Variants in ANKRD55 observed in about 807,000 individuals in gnomAD.
ANKRD55 encodes ankyrin repeat domain 55.
Under a neutral mutation model 60.6 loss-of-function variants are expected in ANKRD55, and 41 were observed. That is an observed-to-expected ratio of 0.68 (90% CI 0.53 to 0.88). The LOEUF is 0.88. Ranked by LOEUF, ANKRD55 falls within the 40% of genes least tolerant of loss-of-function variation. ANKRD55 has a pLI of 0.00. For missense variants in ANKRD55, 732 were observed against 767.6 expected (o/e 0.95, Z 0.55); for synonymous variants, 264 against 290.3 (o/e 0.91, Z 0.92).
intron 11 of ANKRD55, 102 bp downstream of exon 11, chr5:56,102,390 CAA>C (rs36060683): frequency 0.014 from 9,338 of 659,986 alleles, no homozygotes; most frequent in South Asian, 0.027. Context: ...GACTCCATCT[CAA>C]AAAAAAAAAA....
At chr5:56,143,666 G>C (rs574846837) in intron 7 of ANKRD55, 135 bp downstream of exon 7, 7 of 1,274,498 alleles carry the variant, frequency 5.5e-6, no homozygotes, top group Non-Finnish European at 7.7e-6. Flanking sequence ...ATCTTGGCAG[G>C]GTTTCTTTTC....
At chr5:56,154,555 G>A (rs552917520) in intron 6 of ANKRD55, among the ~76,000 whole-genome samples, 7 of 151,158 alleles carry the variant, frequency 4.6e-5, no homozygotes, top group African/African-American at 1.2e-4. Flanking sequence ...TGGCAAAAAC[G>A]GAATTACAGC....
intron 7 of ANKRD55, among the ~76,000 whole-genome samples, chr5:56,131,689 G>A (rs568648565): frequency 4.7e-5 from 7 of 149,596 alleles, no homozygotes; most frequent in South Asian, 2.1e-4. Flanking sequence ...CCAGCTACTC[G>A]GAAGGCTGAG....
At chr5:56,190,015 T>A (rs540143678) in intron 2 of ANKRD55, among the ~76,000 whole-genome samples, 1 of 152,246 alleles carries the variant, frequency 6.6e-6, no homozygotes, top group Non-Finnish European at 1.5e-5. Context: ...AAAAAAATAA[T>A]AGCCATCCTA....
intron 8 of ANKRD55, among the ~76,000 whole-genome samples, chr5:56,124,661 C>T (rs1001024813): frequency 6.6e-6 from 1 of 152,120 alleles, no homozygotes; most frequent in African/African-American, 2.4e-5. Context: ...GCGTGCGCCA[C>T]CACGCCCGGC....
chr5:56,115,145 A>G (rs1266143667), intron 9 of ANKRD55, among the ~76,000 whole-genome samples: 1 of 151,894 alleles, frequency 6.6e-6, no homozygotes, highest in Non-Finnish European at 1.5e-5. Context: ...GGTTGCAGTA[A>G]GCCATGATTA....
intron 2 of ANKRD55, among the ~76,000 whole-genome samples, chr5:56,224,223 G>T (rs989716292): frequency 7.9e-5 from 12 of 151,636 alleles, no homozygotes; most frequent in African/African-American, 2.9e-4. Context: ...TGGACAACCT[G>T]CTCCTGAATG....
chr5:56,130,189 C>CT (rs112520479), intron 7 of ANKRD55, among the ~76,000 whole-genome samples: 26 of 152,254 alleles, frequency 1.7e-4, no homozygotes, highest in African/African-American at 5.3e-4. Flanking sequence ...GAAAAGGTAC[C>CT]TTTTTTTAAT....
intron 2 of ANKRD55, among the ~76,000 whole-genome samples, chr5:56,212,109 C>T (rs72749968): frequency 0.08 from 12,081 of 151,078 alleles, 762 homozygotes; most frequent in African/African-American, 0.18. Flanking sequence ...TAGACCAATT[C>T]GGTTTGTGAA....
chr5:56,119,986 G>A (rs1056995255), intron 8 of ANKRD55, among the ~76,000 whole-genome samples: 1 of 152,002 alleles, frequency 6.6e-6, no homozygotes, highest in East Asian at 1.9e-4. Context: ...TGTGCAGTGA[G>A]GTCAGAGCCA....
At chr5:56,213,482 A>G (rs1759726987) in intron 2 of ANKRD55, among the ~76,000 whole-genome samples, 2 of 152,144 alleles carry the variant, frequency 1.3e-5, no homozygotes, top group South Asian at 4.2e-4. Flanking sequence ...AAAGAAAACA[A>G]CAAACAAAAA....
At chr5:56,168,885 C>G (rs145671465) in intron 5 of ANKRD55, among the ~76,000 whole-genome samples, 225 of 152,346 alleles carry the variant, frequency 1.5e-3, no homozygotes, top group African/African-American at 5.1e-3. Flanking sequence ...GAGACGAAGT[C>G]TCACTTTGTC....
chr5:56,151,348 G>T (rs1050178348), intron 6 of ANKRD55, among the ~76,000 whole-genome samples: 5 of 152,058 alleles, frequency 3.3e-5, no homozygotes, highest in African/African-American at 1.2e-4. Flanking sequence ...GAAAATCTTA[G>T]TTTTTTGAGA....
chr5:56,144,680 G>A (rs73128417), intron 6 of ANKRD55, among the ~76,000 whole-genome samples: 3,075 of 152,332 alleles, frequency 0.02, 99 homozygotes, highest in African/African-American at 0.07. Context: ...GATGTACACT[G>A]TTTAGAAGAA....
intron 7 of ANKRD55, among the ~76,000 whole-genome samples, chr5:56,135,272 C>CCTTCCTTCCTTCCTTCCTTCCTTCTT: frequency 9.6e-6 from 1 of 104,202 alleles, no homozygotes; most frequent in African/African-American, 4.3e-5. Context: ...CTTTCCCTCC[C>CCTTCCTTCCTTCCTTCCTTCCTTCTT]TCCCTCCCTG....
At chr5:56,164,238 A>C (rs1250646686) in intron 5 of ANKRD55, among the ~76,000 whole-genome samples, 1 of 152,202 alleles carries the variant, frequency 6.6e-6, no homozygotes, top group African/African-American at 2.4e-5. Flanking sequence ...TCCTGGGGAC[A>C]ACTCATCCCT....
intron 2 of ANKRD55, among the ~76,000 whole-genome samples, chr5:56,224,251 G>T (rs915244102): frequency 2.6e-5 from 4 of 151,494 alleles, no homozygotes; most frequent in African/African-American, 9.7e-5. Flanking sequence ...GGTACATAAT[G>T]AAATGAAGGC....
chr5:56,105,501 A>G (rs1756432578), intron 10 of ANKRD55, among the ~76,000 whole-genome samples: 1 of 152,238 alleles, frequency 6.6e-6, no homozygotes, highest in African/African-American at 2.4e-5. Context: ...AAAAGATTGT[A>G]GGAATCGGTC....
Position 56,111,378 on chromosome 5 carries a change from G to A in ANKRD55, c.1370C>T (p.Ala457Val), listed in dbSNP as rs371537178. The change falls in exon 10 of 12, where the codon GCA becomes GTA. Residue 457 changes from alanine (A) to valine (V), a missense_variant. Physicochemically the swap from Ala to Val is moderately conservative, Grantham distance 64. Coordinates refer to ENST00000341048, the MANE Select transcript of ANKRD55 (RefSeq NM_024669.3). The part of the protein sequence containing the change: ...LTASHRATSH[A>V]GLSSAPHHMA... Reference sequence around the variant, plus strand: ...ATGATGAGGAGCAGAGCTCAGGCCTGCATGGGAAGTGGCCCTATGGGAGGC... The same window carrying A: ...ATGATGAGGAGCAGAGCTCAGGCCTACATGGGAAGTGGCCCTATGGGAGGC... 1.9e-6 allele frequency: 3 copies of A among 1,614,180 alleles called. No homozygotes were observed. Among genetic ancestry groups the A allele is most frequent in the Non-Finnish European group, 8.5e-7 (1 of 1,180,044 alleles).
Sources: allele counts gnomAD v4.1 joint callset (sites outside exome capture counted in the v4.1 genomes callset), GRCh38; gene constraint gnomAD v4.1.1; transcripts MANE v1.5; gene names NCBI Gene and HGNC (gene_info 2026-07-23, HGNC 2026-07-21).